The following USH2A variants were observed in gnomAD, a reference collection of about 807,000 sequenced individuals.
The protein encoded by USH2A is Usher syndrome 2A (autosomal recessive, mild).
USH2A carries 443 observed loss-of-function variants against 538.9 expected under a neutral mutation model. The observed-to-expected ratio is 0.82, with a 90% CI of 0.76 to 0.89. The LOEUF (loss-of-function observed/expected upper bound fraction) is 0.89. USH2A is among the 40% of genes least tolerant of loss of function. The probability of loss-of-function intolerance (pLI) is 0.00; values close to 1 mark genes in which losing one functional copy is unlikely to be tolerated. For missense variants in USH2A, 6,633 were observed against 6,324.8 expected, an observed-to-expected ratio of 1.05 and a Z score of -1.65; for synonymous variants, 2,413 against 2,273.5, an observed-to-expected ratio of 1.06 and a Z score of -1.75.
chr1:215,663,692 T>C (rs1657514886), intron 64 of USH2A, among the ~76,000 whole-genome samples: 1 of 152,172 alleles, frequency 6.6e-6, no homozygotes, highest in Non-Finnish European at 1.5e-5. Context: ...CAGAGTCCTG[T>C]ATTGGTTGAC....
chr1:216,151,912 G>A (rs906637291), intron 21 of USH2A, among the ~76,000 whole-genome samples: 14 of 151,844 alleles, frequency 9.2e-5, no homozygotes, highest in Middle Eastern at 3.4e-3. Flanking sequence ...TCTTTTATTC[G>A]GACCTTGTAT....
At chr1:215,876,000 G>T (rs1056156335) in intron 43 of USH2A, among the ~76,000 whole-genome samples, 4 of 149,362 alleles carry the variant, frequency 2.7e-5, no homozygotes, top group African/African-American at 9.8e-5. Context: ...TGGAGGGGGC[G>T]GGGGGAAGGG....
At chr1:215,973,674 T>G (rs1321124575) in intron 35 of USH2A, among the ~76,000 whole-genome samples, 5 of 139,106 alleles carry the variant, frequency 3.6e-5, no homozygotes, top group South Asian at 2.2e-4. Flanking sequence ...TTTTTTTTTT[T>G]GTCTATCTGA....
At chr1:215,700,096 T>C (rs1203078184) in intron 61 of USH2A, among the ~76,000 whole-genome samples, 2 of 152,180 alleles carry the variant, frequency 1.3e-5, no homozygotes, top group Admixed American at 1.3e-4. Context: ...TCTGTTTTTG[T>C]GATAGATTAT....
chr1:215,748,764 G>T (rs1344325838), intron 58 of USH2A, among the ~76,000 whole-genome samples: 1 of 152,180 alleles, frequency 6.6e-6, no homozygotes, highest in Non-Finnish European at 1.5e-5. Context: ...CTCTTCATGT[G>T]TAAAATGATG....
At chr1:215,750,668 G>A (rs79699450) in intron 58 of USH2A, among the ~76,000 whole-genome samples, 8 of 152,176 alleles carry the variant, frequency 5.3e-5, no homozygotes, top group South Asian at 2.1e-4. Flanking sequence ...CTTTCCGCAC[G>A]TTTAGGTGGA....
At chr1:215,885,931 C>T (rs2102457851) in intron 41 of USH2A, among the ~76,000 whole-genome samples, 1 of 152,294 alleles carries the variant, frequency 6.6e-6, no homozygotes, top group African/African-American at 2.4e-5. Flanking sequence ...TCCCCCAAGT[C>T]CTTATTACTT....
intron 15 of USH2A, among the ~76,000 whole-genome samples, chr1:216,209,086 G>T (rs1212103515): frequency 1.3e-5 from 2 of 152,162 alleles, no homozygotes; most frequent in Non-Finnish European, 2.9e-5. Context: ...TCAGCCAAAG[G>T]CCAACTTTGT....
intron 4 of USH2A, among the ~76,000 whole-genome samples, chr1:216,351,973 T>C (rs1442178450): frequency 6.6e-6 from 1 of 152,042 alleles, no homozygotes; most frequent in Non-Finnish European, 1.5e-5. Context: ...AGTATATGGA[T>C]CAAAGTGAGA....
intron 13 of USH2A, among the ~76,000 whole-genome samples, chr1:216,237,502 A>G (rs1262926302): frequency 1.3e-5 from 2 of 151,418 alleles, no homozygotes; most frequent in African/African-American, 4.8e-5. Context: ...CTTAAAAAAA[A>G]AAAAAAAAAA....
chr1:216,031,768 C>G (rs12121718), intron 32 of USH2A, among the ~76,000 whole-genome samples: 2 of 152,072 alleles, frequency 1.3e-5, no homozygotes, highest in African/African-American at 4.8e-5. Flanking sequence ...TCCCACCTTG[C>G]TTCTCACTAT....
intron 13 of USH2A, among the ~76,000 whole-genome samples, chr1:216,239,104 G>GAAAAAA (rs59434332): frequency 1.4e-5 from 2 of 140,998 alleles, no homozygotes; most frequent in African/African-American, 2.7e-5. Context: ...ATAAAACCAG[G>GAAAAAA]AAAAAAAAAA....
intron 35 of USH2A, among the ~76,000 whole-genome samples, chr1:215,977,431 A>T (rs7516908): frequency 0.16 from 24,039 of 152,026 alleles, 2,135 homozygotes; most frequent in African/African-American, 0.24. Context: ...CTCTGGGGAA[A>T]GTAAGATTTT....
chr1:215,838,014 G>A lies in USH2A; in HGVS notation c.9348C>T (p.Pro3116=). The A allele has an allele frequency of 6.2e-7, 1 of 1,613,948 alleles. No individual in the cohort carries two copies. Among genetic ancestry groups the A allele is most frequent in the African/African-American group, 1.3e-5 (1 of 75,042 alleles). Residue 3116 remains proline, a synonymous_variant, in exon 47 of 72, where the codon CCC becomes CCT. Coordinates refer to ENST00000307340, the MANE Select transcript of USH2A (RefSeq NM_206933.4). ...ACCTTGAAGTGATGCCACGAATTGTGGGTGTTGGTATATCACTTGGAGTGT... is the reference window on the plus strand; with the variant it reads ...ACCTTGAAGTGATGCCACGAATTGTAGGTGTTGGTATATCACTTGGAGTGT... The part of the protein sequence containing the change: ...VEDTPSDIPT[P]TIRGITSRSL...
At position 215,757,907 on chromosome 1, in the gene USH2A, T is replaced by A. The variant is rs543836037; in HGVS notation, c.11389+688A>T. Among the ~76,000 whole-genome samples the A allele has an allele frequency of 5.9e-5, 9 of 152,224 alleles. No individual in the cohort carries two copies. The South Asian group carries it at 1.9e-3, about 32-fold the overall frequency. ...CACTGATTTAATATAAAAGGAATGG[T>A]ATAATGTCAATGATCCAATCTAAGG... On this transcript the variant is annotated intron_variant, in intron 58 of 71. Transcript: ENST00000307340.
intron 71 of USH2A, among the ~76,000 whole-genome samples, chr1:215,627,587 G>T (rs1009519677): frequency 6.6e-6 from 1 of 150,816 alleles, no homozygotes; most frequent in South Asian, 2.1e-4. Context: ...GTGCAGTGGG[G>T]CCATCTCAGC....
At chr1:216,366,342 T>C (rs1339432931) in intron 3 of USH2A, among the ~76,000 whole-genome samples, 1 of 151,584 alleles carries the variant, frequency 6.6e-6, no homozygotes, top group South Asian at 2.1e-4. Flanking sequence ...GTCCGGCAAT[T>C]GTAACAAATA....
At chr1:216,107,514 A>C (rs1288950120) in intron 21 of USH2A, among the ~76,000 whole-genome samples, 2 of 149,644 alleles carry the variant, frequency 1.3e-5, no homozygotes. Flanking sequence ...TTTATACTTG[A>C]AGTGTGTTTC....
intron 9 of USH2A, among the ~76,000 whole-genome samples, chr1:216,292,714 G>C (rs377041562): frequency 6.6e-6 from 1 of 151,998 alleles, no homozygotes; most frequent in Non-Finnish European, 1.5e-5. Context: ...TGGAAAATGC[G>C]ACATCTATCC....
Sources: gnomAD v4.1 joint callset for allele counts (sites outside exome capture counted in the v4.1 genomes callset) on GRCh38, gnomAD v4.1.1 for gene constraint, MANE v1.5 for transcripts, NCBI Gene and HGNC (gene_info 2026-07-23, HGNC 2026-07-21) for gene names.